The following RELN variants were observed in gnomAD, a reference collection of about 807,000 sequenced individuals.
RELN encodes reelin.
RELN carries 108 observed loss-of-function variants against 427.6 expected under a neutral mutation model. That is an observed-to-expected ratio of 0.25 (90% CI 0.22 to 0.30). RELN has a LOEUF of 0.30. Ranked by LOEUF, RELN falls within the 10% of genes least tolerant of loss-of-function variation. The pLI, the probability that RELN is intolerant of heterozygous loss-of-function variation, is 1.00. For synonymous variants in RELN, 1,524 were observed against 1,513.4 expected (o/e 1.01, Z -0.16); for missense variants, 3,715 against 4,302.8 (o/e 0.86, Z 3.82).
intron 6 of RELN, among the ~76,000 whole-genome samples, chr7:103,737,265 C>G (rs180877009): frequency 2.6e-5 from 4 of 152,320 alleles, no homozygotes; most frequent in Admixed American, 1.3e-4. Context: ...TTTATGCTCC[C>G]TTTCACCAGC....
At chr7:103,888,364 C>A (rs1261151385) in intron 2 of RELN, among the ~76,000 whole-genome samples, 1 of 152,088 alleles carries the variant, frequency 6.6e-6, no homozygotes, top group African/African-American at 2.4e-5. Flanking sequence ...CCTTACCAGG[C>A]AACTTTATTA....
At chr7:103,676,207 A>T (rs1156355370) in intron 11 of RELN, among the ~76,000 whole-genome samples, 1 of 152,154 alleles carries the variant, frequency 6.6e-6, no homozygotes, top group Non-Finnish European at 1.5e-5. Flanking sequence ...AAATAAAAAA[A>T]CCCCATCAAA....
rs1584266442 is a variant in RELN at position 103,819,223 on chromosome 7, T to C, written c.473+14314A>G. Among the ~76,000 whole-genome samples the C allele has an allele frequency of 2.0e-5, 3 of 152,212 alleles. No homozygotes were observed. In the East Asian group the frequency reaches 5.8e-4, roughly 29 times the overall value. On this transcript the variant is annotated intron_variant, in intron 3 of 64. Transcript: ENST00000428762. ...TAAGTTTTACTGTCAAGTTTAAATA[T>C]TAAAAATCAACTCTATTTATGACAT...
At chr7:103,676,508 AATACC>A (rs1196686206) in intron 11 of RELN, among the ~76,000 whole-genome samples, 1 of 152,252 alleles carries the variant, frequency 6.6e-6, no homozygotes, top group Non-Finnish European at 1.5e-5. Flanking sequence ...TAGAACTAGA[AATACC>A]ATTTGACCCA....
At chr7:103,709,161 T>C (rs931128127) in intron 8 of RELN, among the ~76,000 whole-genome samples, 2 of 152,110 alleles carry the variant, frequency 1.3e-5, no homozygotes, top group African/African-American at 4.8e-5. Flanking sequence ...GTAGTATCTA[T>C]TTTCAGCAGG....
At chr7:103,639,159 C>A (rs986144505) in intron 17 of RELN, among the ~76,000 whole-genome samples, 2 of 152,072 alleles carry the variant, frequency 1.3e-5, no homozygotes, top group East Asian at 3.9e-4. Flanking sequence ...ATCTACTGAC[C>A]AGTGTTTTGG....
chr7:103,501,011 G>A lies in RELN; in HGVS notation c.8490-89C>T, dbSNP rs558761209. On this transcript the variant is annotated intron_variant, in intron 52 of 64. Transcript: ENST00000428762. ...CTGCATGTGTATTCAGTACTCAAGA[G>A]AAAAAACATTTAAGATACTCTTACT... 5.1e-6 allele frequency: 6 copies of A among 1,182,824 alleles called. No individual in the cohort carries two copies. In the Admixed American group the frequency reaches 5.2e-5, roughly 10 times the overall value. 73.3% of individuals were successfully genotyped at this position (1,182,824 alleles called of 1,614,324 possible).
At chr7:103,575,918 A>G (rs1375100808) in intron 28 of RELN, among the ~76,000 whole-genome samples, 1 of 151,844 alleles carries the variant, frequency 6.6e-6, no homozygotes, top group Non-Finnish European at 1.5e-5. Flanking sequence ...TGCTCTGTCA[A>G]CCAGGCTGGA....
chr7:103,741,212 T>C (rs1047207865), intron 6 of RELN, among the ~76,000 whole-genome samples: 4 of 152,174 alleles, frequency 2.6e-5, no homozygotes, highest in East Asian at 1.9e-4. Flanking sequence ...TGTTAGTTTA[T>C]TGGAAATATT....
In RELN at chr7:103,934,604, T is replaced by C. The variant is rs61733669; in HGVS notation, c.227-17419A>G. ...GTTCATCAAGCACCTTAAACTAAAA[T>C]ATATTGTGCCCCCACACTGATAGAC... On this transcript the variant is annotated intron_variant, in intron 1 of 64. Transcript: ENST00000428762. 6.3e-3 allele frequency among the ~76,000 whole-genome samples: 960 copies of C among 152,240 alleles called. 11 individuals carry two copies. Among genetic ancestry groups the C allele is most frequent in the East Asian group, 0.03 (157 of 5,174 alleles).
chr7:103,652,851 C>A lies in RELN; in HGVS notation c.1555-92G>T, dbSNP rs114220961. 2.1e-5 allele frequency: 23 copies of A among 1,076,818 alleles called. No homozygotes were observed. The African/African-American group carries it at 3.6e-4, about 17-fold the overall frequency. The allele number at this position is 1,076,818 out of a possible 1,614,324, so 66.7% of individuals were successfully genotyped here. A position where few individuals can be genotyped will look rare whatever the true frequency, so the allele number is the denominator to read the frequency against. ...GATTTGACCTAATGAACGCTATGTACATAACTGCCATTTATTAAGCACCAG... is the reference window on the plus strand; with the variant it reads ...GATTTGACCTAATGAACGCTATGTAAATAACTGCCATTTATTAAGCACCAG... On this transcript the variant is annotated intron_variant, in intron 13 of 64. Coordinates refer to ENST00000428762, the MANE Select transcript of RELN (RefSeq NM_005045.4).
intron 28 of RELN, among the ~76,000 whole-genome samples, chr7:103,582,725 A>T (rs371034301): frequency 6.6e-6 from 1 of 152,160 alleles, no homozygotes; most frequent in African/African-American, 2.4e-5. Context: ...ACTGGTGATA[A>T]ATTAGGTGAA....
chr7:103,473,327 C>T (rs1453184247), intron 64 of RELN, among the ~76,000 whole-genome samples: 4 of 152,036 alleles, frequency 2.6e-5, no homozygotes, highest in East Asian at 3.8e-4. Flanking sequence ...AATTTGGTTC[C>T]TTTAGCAAAC....
At position 103,498,236 on chromosome 7, in the gene RELN, C is replaced by T. The variant is rs1399157725; in HGVS notation, c.8684G>A (p.Arg2895His). 8.1e-6 allele frequency: 13 copies of T among 1,613,680 alleles called. No individual in the cohort carries two copies. Among genetic ancestry groups the T allele is most frequent in the Admixed American group, 1.7e-5 (1 of 59,950 alleles). Reference protein sequence around the residue: ...THTLKTFLKERFDSEEIKPDL... With the variant: ...THTLKTFLKEHFDSEEIKPDL... ...AGGTTTGATTTCTTCACTGTCAAAG[C>T]GTTCCTTCAGGAAAGTCTGGAAATA... Residue 2895 changes from arginine (R) to histidine (H), a missense_variant, in exon 54 of 65, where the codon CGC (arginine) becomes CAC (histidine). Arg to His is a conservative substitution (Grantham distance 29, BLOSUM62 0). Coordinates refer to ENST00000428762, the MANE Select transcript of RELN (RefSeq NM_005045.4).
At chr7:103,927,764 A>G (rs903152310) in intron 1 of RELN, among the ~76,000 whole-genome samples, 3 of 152,198 alleles carry the variant, frequency 2.0e-5, no homozygotes, top group African/African-American at 7.2e-5. Context: ...CAATATAGCT[A>G]TAAGACAATT....
intron 18 of RELN, 82 bp downstream of exon 18, chr7:103,636,153 A>G (rs1382381785): frequency 3.2e-6 from 3 of 951,828 alleles, no homozygotes; most frequent in Middle Eastern, 2.1e-4. Flanking sequence ...CAGAAAAAAT[A>G]TAAGAAATAA....
At chr7:103,765,752 T>C (rs968174398) in intron 4 of RELN, among the ~76,000 whole-genome samples, 3 of 152,192 alleles carry the variant, frequency 2.0e-5, no homozygotes, top group Admixed American at 6.5e-5. Context: ...GAAAGAATTC[T>C]TCCATAGGCA....
intron 2 of RELN, among the ~76,000 whole-genome samples, chr7:103,902,598 C>CA (rs1795107544): frequency 6.6e-6 from 1 of 152,022 alleles, no homozygotes; most frequent in South Asian, 2.1e-4. Flanking sequence ...TTCTGTTTTC[C>CA]AAAATGGCAA....
intron 1 of RELN, among the ~76,000 whole-genome samples, chr7:103,935,280 C>A (rs146937098): frequency 6.6e-6 from 1 of 152,294 alleles, no homozygotes; most frequent in African/African-American, 2.4e-5. Context: ...AGTAAGCTTC[C>A]ATCTCAAATG....
Sources: gnomAD v4.1 joint callset for allele counts (sites outside exome capture counted in the v4.1 genomes callset) on GRCh38, gnomAD v4.1.1 for gene constraint, MANE v1.5 for transcripts, NCBI Gene and HGNC (gene_info 2026-07-23, HGNC 2026-07-21) for gene names.